The following KLKB1 variants were observed in gnomAD, a reference collection of about 807,000 sequenced individuals.
KLKB1 encodes the protein plasma kallikrein.
A neutral mutation model predicts 73.6 loss-of-function variants in KLKB1; 58 were observed. The observed-to-expected ratio is 0.79, with a 90% CI of 0.64 to 0.98. The LOEUF (loss-of-function observed/expected upper bound fraction) is 0.98. Among genes scored for constraint, KLKB1 ranks in the 50% least tolerant of loss-of-function variants. The pLI, the probability that KLKB1 is intolerant of heterozygous loss-of-function variation, is 0.00. For synonymous variants in KLKB1, 280 were observed against 258.1 expected, an observed-to-expected ratio of 1.08 and a Z score of -0.81; for missense variants, 737 against 763.8, an observed-to-expected ratio of 0.96 and a Z score of 0.41.
At chr4:186,237,327 G>A (rs1737748868) in intron 5 of KLKB1, among the ~76,000 whole-genome samples, 1 of 152,134 alleles carries the variant, frequency 6.6e-6, no homozygotes, top group African/African-American at 2.4e-5. Flanking sequence ...TCGAACTCCT[G>A]ATCTTGTGAT....
At chr4:186,235,147 G>A (rs1410444328) in intron 4 of KLKB1, among the ~76,000 whole-genome samples, 1 of 152,142 alleles carries the variant, frequency 6.6e-6, no homozygotes, top group Non-Finnish European at 1.5e-5. Context: ...GTCTACGTGA[G>A]GTGGAGTACA....
intron 6 of KLKB1, among the ~76,000 whole-genome samples, chr4:186,243,126 G>C (rs369683960): frequency 6.6e-6 from 1 of 152,170 alleles, no homozygotes; most frequent in Admixed American, 6.6e-5. Flanking sequence ...AGTCCTGGGC[G>C]GGGGCAAATC....
chr4:186,216,572 A>C (rs1736907696), intron 2 of KLKB1, among the ~76,000 whole-genome samples: 1 of 152,176 alleles, frequency 6.6e-6, no homozygotes, highest in Non-Finnish European at 1.5e-5. Flanking sequence ...GATCTGGGAC[A>C]AGGGGAGGTG....
chr4:186,258,113 G>A lies in KLKB1; in HGVS notation c.1818G>A (p.Glu606=). 1.2e-6 allele frequency: 2 copies of A among 1,614,162 alleles called. No homozygotes were observed. The highest frequency in any genetic ancestry group is 2.2e-5 in the South Asian group (2 of 91,086). The change falls in exon 15 of 15, where the codon GAG becomes GAA. Residue 606 remains glutamate, a synonymous_variant. Coordinates refer to ENST00000264690, the MANE Select transcript of KLKB1 (RefSeq NM_000892.5). The part of the protein sequence containing the change: ...TSWGEGCARR[E]QPGVYTKVAE... The stretch of plus-strand genomic sequence containing the variant: ...GGGGTGAAGGCTGTGCCCGCAGGGA[G>A]CAACCTGGTGTCTACACCAAAGTCG...
chr4:186,242,403 T>C (rs4253270), intron 6 of KLKB1, among the ~76,000 whole-genome samples: 96 of 151,914 alleles, frequency 6.3e-4, no homozygotes, highest in Non-Finnish European at 1.2e-3. Context: ...TTGGGGGTGG[T>C]ATGGAGAGAT....
At chr4:186,245,191 C>T (rs1033982159) in intron 6 of KLKB1, among the ~76,000 whole-genome samples, 61 of 152,246 alleles carry the variant, frequency 4.0e-4, no homozygotes, top group Middle Eastern at 3.4e-3. Flanking sequence ...AGAAGCCTGG[C>T]GGTCAATACC....
Position 186,242,125 on chromosome 4 carries a change from G to T in KLKB1, c.598+3760G>T, listed in dbSNP as rs190536474. The stretch of plus-strand genomic sequence containing the variant: ...TAGGTAGTGGAAAATTACAGTCAAA[G>T]GGGGTTGTTCTCTGGCGGGCAGCGG... On this transcript the variant is annotated intron_variant, in intron 6 of 14. Coordinates refer to ENST00000264690, the MANE Select transcript of KLKB1 (RefSeq NM_000892.5). Among the ~76,000 whole-genome samples the T allele has an allele frequency of 1.6e-4, 24 of 149,088 alleles. No homozygotes were observed. In the East Asian group the frequency reaches 4.7e-3, roughly 29 times the overall value.
At chr4:186,251,465 T>C in intron 8 of KLKB1, 22 bp from the exon 9 acceptor site, 1 of 1,611,050 alleles carries the variant, frequency 6.2e-7, no homozygotes, top group Non-Finnish European at 8.5e-7. Flanking sequence ...CTGATATCTT[T>C]TTGTGTTTAT....
At chr4:186,225,820 A>G (rs1396425396), upstream of KLKB1, among the ~76,000 whole-genome samples, 3 of 152,058 alleles carry the variant, frequency 2.0e-5, no homozygotes, top group Non-Finnish European at 4.4e-5. Flanking sequence ...CCAAATTTTG[A>G]GAGTTTTCTA....
rs1258102629 is a variant in KLKB1, at chr4:186,252,659, A to ACCACCAATC, written c.1313+481_1313+489dup. On this transcript the variant is annotated intron_variant, in intron 11 of 14. Transcript: ENST00000264690. ...CACCACCGATCCCGCCACCAATCCC[A>ACCACCAATC]CCACCAATCCCACCACCTACCCCAC... Among the ~76,000 whole-genome samples, 3 of 76,026 alleles carry ACCACCAATC rather than the reference A, an allele frequency of 3.9e-5. 1 individual carries two copies. Among genetic ancestry groups the ACCACCAATC allele is most frequent in the African/African-American group, 1.5e-4 (3 of 19,394 alleles). 49.9% of individuals were successfully genotyped at this position (76,026 alleles called of 152,430 possible).
chr4:186,257,945 G>T (rs376943858), intron 14 of KLKB1, 76 bp from the exon 15 acceptor site: 7 of 1,313,732 alleles, frequency 5.3e-6, no homozygotes, highest in East Asian at 4.6e-5. Flanking sequence ...GTGGACTACA[G>T]AACTTTAGAG....
At chr4:186,245,824 G>GTTTTTTTTTTTTTTTTTTTTTTTTTT (rs1402408736) in intron 6 of KLKB1, among the ~76,000 whole-genome samples, 7 of 110,036 alleles carry the variant, frequency 6.4e-5, no homozygotes, top group Non-Finnish European at 1.2e-4. Flanking sequence ...TTGTTTTTTG[G>GTTTTTTTTTTTTTTTTTTTTTTTTTT]TTTTTTTTTT....
At chr4:186,221,516 A>T (rs977738752), upstream of KLKB1, among the ~76,000 whole-genome samples, 1 of 151,868 alleles carries the variant, frequency 6.6e-6, no homozygotes, top group African/African-American at 2.4e-5. Flanking sequence ...TTTTCTCAAG[A>T]CATTTTTTGA....
chr4:186,244,795 A>G (rs1031583883), intron 6 of KLKB1, among the ~76,000 whole-genome samples: 1 of 152,204 alleles, frequency 6.6e-6, no homozygotes, highest in Non-Finnish European at 1.5e-5. Flanking sequence ...TCAAAAGGCC[A>G]CGCTGTAACA....
At chr4:186,233,835 G>T (rs1737526597) in intron 3 of KLKB1, 117 bp from the exon 4 acceptor site, 1 of 740,244 alleles carries the variant, frequency 1.4e-6, no homozygotes, top group Admixed American at 2.0e-5. Flanking sequence ...AAGTATTGGG[G>T]AAGCTATATT....
chr4:186,211,125 C>T (rs1213113330), intron 2 of KLKB1: 5 of 160,130 alleles, frequency 3.1e-5, no homozygotes, highest in Non-Finnish European at 6.8e-5. Flanking sequence ...AGTCGTGAGC[C>T]ACCACGCCTG....
chr4:186,255,898 A>T, intron 12 of KLKB1, 94 bp from the exon 13 acceptor site: 1 of 843,978 alleles, frequency 1.2e-6, no homozygotes, highest in East Asian at 2.6e-5. Flanking sequence ...GCTACTCTAT[A>T]GAAAGAGAAG....
chr4:186,211,803 T>C (rs1736732518), intron 2 of KLKB1: 1 of 152,200 alleles, frequency 6.6e-6, no homozygotes, highest in Non-Finnish European at 1.5e-5. Context: ...ATCATTATAG[T>C]ACTTTTCAGA....
chr4:186,245,917 G>A (rs757555733), intron 6 of KLKB1, among the ~76,000 whole-genome samples: 3 of 150,640 alleles, frequency 2.0e-5, no homozygotes, highest in Non-Finnish European at 3.0e-5. Flanking sequence ...GGGCTGTAAA[G>A]CGTCTCAGGG....
Sources: allele counts gnomAD v4.1 joint callset (sites outside exome capture counted in the v4.1 genomes callset), GRCh38; gene constraint gnomAD v4.1.1; transcripts MANE v1.5; gene names NCBI Gene and HGNC (gene_info 2026-07-23, HGNC 2026-07-21).